GNB5: variants seen among roughly 807,000 people sequenced by gnomAD.
GNB5 encodes G protein subunit beta 5, also known as guanine nucleotide-binding protein subunit beta-5.
In GNB5, 37 loss-of-function variants were observed where a neutral mutation model predicts 55.3. The ratio of observed to expected loss-of-function variants is 0.67; its 90% CI spans 0.51 to 0.88. GNB5 has a LOEUF of 0.88. GNB5 is among the 40% of genes least tolerant of loss of function. GNB5 has a pLI of 0.00. For synonymous variants in GNB5, 219 were observed against 198.5 expected, an observed-to-expected ratio of 1.10 and a Z score of -0.87; for missense variants, 476 against 515.3, an observed-to-expected ratio of 0.92 and a Z score of 0.74.
Position 52,179,895 on chromosome 15 carries a change from C to CAGCGGAGAGGGA in GNB5, c.127-28_127-17dup, listed in dbSNP as rs747637539. The CAGCGGAGAGGGA allele has an allele frequency of 4.0e-5, 60 of 1,516,654 alleles. No homozygotes were observed. The highest frequency in any genetic ancestry group is 5.0e-5 in the Non-Finnish European group (57 of 1,131,864). The allele number at this position is 1,516,654 out of a possible 1,614,324, so 93.9% of individuals were successfully genotyped here. The stretch of plus-strand genomic sequence containing the variant: ...CGGTTGCCATCTTCGCGCGGGGACG[C>CAGCGGAGAGGGA]AGCGGAGAGGGAAGCGGAGAGCGGG... On this transcript the variant is annotated splice_polypyrimidine_tract_variant and intron_variant, in intron 2 of 12. Transcript: ENST00000261837.
Position 52,133,401 on chromosome 15 carries a change from A to G in GNB5, c.840T>C (p.His280=), listed in dbSNP as rs1338688594. 7 of 1,608,670 alleles carry G rather than the reference A, an allele frequency of 4.4e-6. No homozygotes were observed. The East Asian group carries it at 1.1e-4, about 26-fold the overall frequency. Reference sequence around the variant, plus strand: ...ACCGGACACTGTTGATGTCAGATTCATGTGTTTCAAAGGCCTGCACGCACT... The same window carrying G: ...ACCGGACACTGTTGATGTCAGATTCGTGTGTTTCAAAGGCCTGCACGCACT... ...SGQCVQAFET[H]ESDINSVRYY... The change falls in exon 9 of 13, where the codon CAT becomes CAC. Residue 280 remains histidine (H), a synonymous_variant. Coordinates refer to ENST00000261837, the MANE Select transcript of GNB5 (RefSeq NM_016194.4).
rs1278226866 is a variant in GNB5 at position 52,119,422 on chromosome 15, G to A, written c.*3335C>T. On this transcript the variant is annotated 3_prime_UTR_variant, in exon 13 of 13. Transcript: ENST00000261837. ...AGGAGATGGGAGGGAGGAGATGGGA[G>A]GGAGGAGGAGGAGATGGGAGGGAGG... The A allele has an allele frequency of 1.6e-5, 1 of 63,186 alleles. No homozygotes were observed. The highest frequency in any genetic ancestry group is 1.4e-4 in the Admixed American group (1 of 7,164). 3.9% of individuals were successfully genotyped at this position (63,186 alleles called of 1,614,324 possible).
intron 2 of GNB5, among the ~76,000 whole-genome samples, chr15:52,181,563 C>T (rs1413773217): frequency 1.3e-5 from 2 of 152,082 alleles, no homozygotes; most frequent in Admixed American, 6.5e-5. Context: ...TTGCAGTGAG[C>T]CGAGATCGTG....
intron 1 of GNB5, among the ~76,000 whole-genome samples, chr15:52,185,094 C>T (rs1190985121): frequency 6.6e-6 from 1 of 152,230 alleles, no homozygotes; most frequent in Non-Finnish European, 1.5e-5. Context: ...TAAGGGTCAG[C>T]AAATGATGGA....
In GNB5 at chr15:52,157,768, ATTATT is replaced by A. The variant is rs535160387; in HGVS notation, c.239-3697_239-3693del. Among the ~76,000 whole-genome samples, 478 of 152,240 alleles carry A rather than the reference ATTATT, an allele frequency of 3.1e-3. 3 individuals are homozygous for A. Among genetic ancestry groups the A allele is most frequent in the African/African-American group, 0.011 (467 of 41,540 alleles). On this transcript the variant is annotated intron_variant, in intron 3 of 12. Coordinates refer to ENST00000261837, the MANE Select transcript of GNB5 (RefSeq NM_016194.4). The stretch of plus-strand genomic sequence containing the variant: ...GAATTTGAATAGATCCCAACTATTA[ATTATT>A]TTTTCTCACTACATTTTTTCTTCCC...
intron 2 of GNB5, among the ~76,000 whole-genome samples, chr15:52,181,707 T>A (rs538910288): frequency 2.0e-5 from 3 of 152,230 alleles, no homozygotes; most frequent in Non-Finnish European, 4.4e-5. Flanking sequence ...AGATGCTTAT[T>A]CACTGCTAGT....
intron 3 of GNB5, among the ~76,000 whole-genome samples, chr15:52,154,644 T>G (rs116287245): frequency 6.6e-6 from 1 of 152,216 alleles, no homozygotes; most frequent in Non-Finnish European, 1.5e-5. Context: ...GCTCTAGAGC[T>G]TGCCGTGTCT....
chr15:52,118,968 T>C lies in GNB5; in HGVS notation c.*3789A>G, dbSNP rs1333566043. The stretch of plus-strand genomic sequence containing the variant: ...GCTCTAACTGATGAGAATTACTAAT[T>C]TGCTATATGAGTGGGGGCTGCCTAT... On this transcript the variant is annotated 3_prime_UTR_variant, in exon 13 of 13. Coordinates refer to ENST00000261837, the MANE Select transcript of GNB5 (RefSeq NM_016194.4). The C allele has an allele frequency of 1.3e-5, 2 of 148,822 alleles. No homozygotes were observed. Among genetic ancestry groups the C allele is most frequent in the Non-Finnish European group, 3.0e-5 (2 of 67,600 alleles). 9.2% of individuals were successfully genotyped at this position (148,822 alleles called of 1,614,324 possible).
chr15:52,146,658 A>G (rs1301579653), intron 6 of GNB5, among the ~76,000 whole-genome samples: 1 of 151,744 alleles, frequency 6.6e-6, no homozygotes, highest in Non-Finnish European at 1.5e-5. Context: ...TTAATCTCCC[A>G]GGCTCAAGCA....
At position 52,143,118 on chromosome 15, in the gene GNB5, G is replaced by A. The variant is rs137888682; in HGVS notation, c.495-1846C>T. Among the ~76,000 whole-genome samples the A allele has an allele frequency of 2.7e-3, 409 of 151,320 alleles. 4 individuals carry two copies. Among genetic ancestry groups the A allele is most frequent in the Admixed American group, 0.015 (231 of 15,142 alleles). On this transcript the variant is annotated intron_variant, in intron 6 of 12. Transcript: ENST00000261837. The stretch of plus-strand genomic sequence containing the variant: ...TGCAGTGAGTTGAGACCACACCACC[G>A]CACTCCAGCCTGGGCAACAGAGTGA...
At chr15:52,156,103 T>C (rs2034202089) in intron 3 of GNB5, among the ~76,000 whole-genome samples, 1 of 152,220 alleles carries the variant, frequency 6.6e-6, no homozygotes, top group Admixed American at 6.5e-5. Flanking sequence ...CAGTTATTTA[T>C]TTATTCATTC....
intron 3 of GNB5, among the ~76,000 whole-genome samples, chr15:52,156,384 A>G (rs561324188): frequency 6.6e-6 from 1 of 152,336 alleles, no homozygotes; most frequent in Non-Finnish European, 1.5e-5. Flanking sequence ...GTGATAAAAG[A>G]GCAAAGTTGC....
chr15:52,150,329 T>C (rs1265129764), intron 4 of GNB5, among the ~76,000 whole-genome samples: 2 of 152,130 alleles, frequency 1.3e-5, no homozygotes, highest in Admixed American at 6.5e-5. Context: ...AAATAATAAA[T>C]CTTTTTCTCC....
intron 3 of GNB5, among the ~76,000 whole-genome samples, chr15:52,171,325 T>G (rs1207183780): frequency 6.6e-6 from 1 of 152,058 alleles, no homozygotes; most frequent in Non-Finnish European, 1.5e-5. Context: ...TCTAGTACAG[T>G]CCCTAGTAAG....
intron 3 of GNB5, among the ~76,000 whole-genome samples, chr15:52,160,468 T>G (rs941755718): frequency 6.6e-6 from 1 of 152,156 alleles, no homozygotes; most frequent in Non-Finnish European, 1.5e-5. Context: ...ACGGGGCTTT[T>G]GAAATGGAGG....
intron 4 of GNB5, among the ~76,000 whole-genome samples, chr15:52,150,941 G>A (rs989430149): frequency 6.6e-6 from 1 of 152,344 alleles, no homozygotes; most frequent in South Asian, 2.1e-4. Flanking sequence ...TGAGGTGGCA[G>A]AGATATGGAT....
intron 3 of GNB5, among the ~76,000 whole-genome samples, chr15:52,168,877 C>T (rs2034500100): frequency 6.6e-6 from 1 of 152,152 alleles, no homozygotes; most frequent in Non-Finnish European, 1.5e-5. Context: ...GGAAAGGATT[C>T]CCTATTTAAT....
chr15:52,147,743 A>C lies in GNB5; in HGVS notation c.418-208T>G, dbSNP rs35709612. ...GATTACAGGCATGCGCCACCATGCCAGGCTAATTTTTGTATTTTTAGTAAA... is the reference window on the plus strand; with the variant it reads ...GATTACAGGCATGCGCCACCATGCCCGGCTAATTTTTGTATTTTTAGTAAA... On this transcript the variant is annotated intron_variant, in intron 5 of 12. Coordinates refer to ENST00000261837, the MANE Select transcript of GNB5 (RefSeq NM_016194.4). Among the ~76,000 whole-genome samples the C allele has an allele frequency of 0.16, 24,017 of 152,012 alleles. 2,157 individuals carry two copies. The highest frequency in any genetic ancestry group is 0.27 in the Admixed American group (4,194 of 15,272).
At chr15:52,150,562 G>A (rs890036272) in intron 4 of GNB5, among the ~76,000 whole-genome samples, 4 of 152,172 alleles carry the variant, frequency 2.6e-5, no homozygotes, top group African/African-American at 9.7e-5. Flanking sequence ...AACAACATGC[G>A]ATATGCACCC....
Sources: allele counts gnomAD v4.1 joint callset (sites outside exome capture counted in the v4.1 genomes callset), GRCh38; gene constraint gnomAD v4.1.1; transcripts MANE v1.5; gene names NCBI Gene and HGNC (gene_info 2026-07-23, HGNC 2026-07-21).